The following UNKL variants were observed in gnomAD, a reference collection of about 807,000 sequenced individuals.
UNKL encodes putative E3 ubiquitin-protein ligase UNKL.
Under a neutral mutation model 78.0 loss-of-function variants are expected in UNKL, and 60 were observed. The ratio of observed to expected loss-of-function variants is 0.77; its 90% CI spans 0.63 to 0.95. The LOEUF is 0.95. Among genes scored for constraint, UNKL ranks in the 40% least tolerant of loss-of-function variants. The pLI, the probability that UNKL is intolerant of heterozygous loss-of-function variation, is 0.00. For missense variants in UNKL, 1,159 were observed against 1,045.7 expected (o/e 1.11, Z -1.49); for synonymous variants, 608 against 474.8 (o/e 1.28, Z -3.65).
rs111766589 is a variant in UNKL, at chr16:1,384,356, C to A, written c.1264+852G>T. The stretch of plus-strand genomic sequence containing the variant: ...ACTGTCTTGCCCCCAGCTCTGCCTG[C>A]TGCCCACTCCGGGCTTCTGGAAGAA... On this transcript the variant is annotated intron_variant, in intron 10 of 14. Transcript: ENST00000389221. Among the ~76,000 whole-genome samples the A allele has an allele frequency of 1.7e-3, 256 of 152,220 alleles. 3 individuals carry two copies. The highest frequency in any genetic ancestry group is 5.3e-3 in the African/African-American group (221 of 41,536).
At chr16:1,386,645 G>A (rs540785097) in intron 9 of UNKL, among the ~76,000 whole-genome samples, 9 of 152,196 alleles carry the variant, frequency 5.9e-5, no homozygotes, top group Non-Finnish European at 1.0e-4. Context: ...TTAACCTTGG[G>A]AGGTGTGATT....
intron 2 of UNKL, chr16:1,407,310 C>T (rs992131689): frequency 6.6e-6 from 1 of 152,374 alleles, no homozygotes; most frequent in African/African-American, 2.4e-5. Flanking sequence ...CCGGACCCAT[C>T]CAGACAGGAG....
At chr16:1,407,631 G>A (rs1463061009) in intron 2 of UNKL, among the ~76,000 whole-genome samples, 3 of 151,550 alleles carry the variant, frequency 2.0e-5, no homozygotes, top group Admixed American at 1.3e-4. Context: ...AGGAGGTTGA[G>A]GTTGCACTGA....
chr16:1,402,616 T>C (rs1307649044), intron 3 of UNKL, among the ~76,000 whole-genome samples: 1 of 150,556 alleles, frequency 6.6e-6, no homozygotes, highest in Admixed American at 6.6e-5. Flanking sequence ...TGAGCCAAGA[T>C]CACGCCACTG....
chr16:1,406,495 G>A (rs553104751), intron 2 of UNKL, among the ~76,000 whole-genome samples: 114 of 152,240 alleles, frequency 7.5e-4, no homozygotes, highest in Non-Finnish European at 1.3e-3. Flanking sequence ...TTACAGGCGT[G>A]AGCCACCGCG....
intron 5 of UNKL, chr16:1,398,679 G>GCGGGCCC: frequency 8.8e-6 from 12 of 1,356,018 alleles, no homozygotes; most frequent in East Asian, 6.5e-5. Flanking sequence ...TGTGGGGTCT[G>GCGGGCCC]CACCCCCCCA....
At chr16:1,376,972 G>A (rs910951030) in intron 10 of UNKL, among the ~76,000 whole-genome samples, 6 of 151,978 alleles carry the variant, frequency 3.9e-5, no homozygotes, top group Non-Finnish European at 8.8e-5. Context: ...TCCCTGCAAC[G>A]CCACGTACCT....
intron 10 of UNKL, among the ~76,000 whole-genome samples, chr16:1,377,917 T>C (rs1235175572): frequency 6.6e-6 from 1 of 152,278 alleles, no homozygotes; most frequent in South Asian, 2.1e-4. Flanking sequence ...CCTTCATGCA[T>C]TGCAATAGTA....
intron 6 of UNKL, chr16:1,396,972 G>A (rs1567228499): frequency 1.4e-5 from 8 of 569,028 alleles, no homozygotes; most frequent in South Asian, 2.1e-5. Flanking sequence ...GGAGAGACTC[G>A]CTGGCTGAGG....
In UNKL at chr16:1,385,079, T is replaced by C. The variant is rs112585307; in HGVS notation, c.1264+129A>G. The C allele has an allele frequency of 5.2e-4, 382 of 737,662 alleles. 3 individuals carry two copies. The African/African-American group carries it at 5.6e-3, about 11-fold the overall frequency. The allele number at this position is 737,662 out of a possible 1,614,324, so 45.7% of individuals were successfully genotyped here. ...AACCAAAGTGACAGATGACTGAAAA[T>C]ACGCGTCTGGCTTCTCTACAAAAAT... On this transcript the variant is annotated intron_variant, in intron 10 of 14. Coordinates refer to ENST00000389221, the MANE Select transcript of UNKL (RefSeq NM_001372107.1).
intron 10 of UNKL, among the ~76,000 whole-genome samples, chr16:1,380,862 A>G (rs2036580348): frequency 6.6e-6 from 1 of 152,028 alleles, no homozygotes; most frequent in Non-Finnish European, 1.5e-5. Flanking sequence ...TTTGGTAGAG[A>G]TGGGGTTTCA....
At chr16:1,394,249 G>A (rs909389683) in intron 6 of UNKL, 34 bp from the exon 7 acceptor site, 10 of 1,547,144 alleles carry the variant, frequency 6.5e-6, no homozygotes, top group Admixed American at 2.0e-5. Context: ...AGGTTGGATT[G>A]GAAATGGGAT....
At chr16:1,375,285 G>A (rs968979418) in intron 10 of UNKL, among the ~76,000 whole-genome samples, 3 of 152,214 alleles carry the variant, frequency 2.0e-5, no homozygotes, top group African/African-American at 4.8e-5. Context: ...TGTGGAGACC[G>A]TGCTCCACCA....
chr16:1,413,057 G>A (rs986103525), intron 2 of UNKL, among the ~76,000 whole-genome samples: 1 of 151,810 alleles, frequency 6.6e-6, no homozygotes, highest in Non-Finnish European at 1.5e-5. Context: ...AGACCAGCCT[G>A]GGCAATGTAG....
At chr16:1,386,696 G>A (rs1327951133) in intron 9 of UNKL, among the ~76,000 whole-genome samples, 1 of 152,162 alleles carries the variant, frequency 6.6e-6, no homozygotes, top group Non-Finnish European at 1.5e-5. Flanking sequence ...CCATAATGAA[G>A]AAATTTTAAT....
At chr16:1,394,589 C>T (rs2037181678) in intron 6 of UNKL, 1 of 449,586 alleles carries the variant, frequency 2.2e-6, no homozygotes, top group African/African-American at 2.0e-5. Context: ...TGATCAGACC[C>T]ACTGACCCTT....
chr16:1,363,323 T>TAA lies in UNKL; in HGVS notation c.*2916_*2917insTT. On this transcript the variant is annotated 3_prime_UTR_variant, in exon 15 of 15. Coordinates refer to ENST00000389221, the MANE Select transcript of UNKL (RefSeq NM_001372107.1). ...TAAACAAGTGTTAACTTTAAACAGT[T>TAA]CGCTACAAGTAAATGATTATAAATA... 1 of 539,648 alleles carries TAA rather than the reference T, an allele frequency of 1.9e-6. No individual in the cohort carries two copies. The highest frequency in any genetic ancestry group is 2.0e-5 in the South Asian group (1 of 49,366). The allele number at this position is 539,648 out of a possible 1,614,324, so 33.4% of individuals were successfully genotyped here. A position where few individuals can be genotyped will look rare whatever the true frequency, so the allele number is the denominator to read the frequency against.
Position 1,399,087 on chromosome 16 carries a change from G to A in UNKL, c.734+287C>T, listed in dbSNP as rs2037401108. The A allele has an allele frequency of 1.5e-6, 2 of 1,295,842 alleles. No homozygotes were observed. The highest frequency in any genetic ancestry group is 2.9e-5 in the Admixed American group (1 of 35,036). 80.3% of individuals were successfully genotyped at this position (1,295,842 alleles called of 1,614,324 possible). The stretch of plus-strand genomic sequence containing the variant: ...GCACACGGGGGTCCCAGCTGGGCTT[G>A]GGGTCCCTCCTGCAGTGCTCCGTCC... On this transcript the variant is annotated intron_variant, in intron 5 of 14. Coordinates refer to ENST00000389221, the MANE Select transcript of UNKL (RefSeq NM_001372107.1). This position sits in a 1 kb window ranked among gnomAD's most constrained non-coding sequence, Gnocchi z 5.8.
chr16:1,366,431 C>T, intron 14 of UNKL, 36 bp from the exon 15 acceptor site: 3 of 1,535,804 alleles, frequency 2.0e-6, no homozygotes, highest in Non-Finnish European at 2.6e-6. Flanking sequence ...TCAGGAGGCC[C>T]CTGCCCAGGC....
Sources: gnomAD v4.1 joint callset for allele counts (sites outside exome capture counted in the v4.1 genomes callset) on GRCh38, gnomAD v4.1.1 for gene constraint, Gnocchi (gnomAD v3.1) non-coding constraint, MANE v1.5 for transcripts, NCBI Gene and HGNC (gene_info 2026-07-23, HGNC 2026-07-21) for gene names.